Variants in ERCC1 observed in about 807,000 individuals in gnomAD.
ERCC1 encodes DNA excision repair protein ERCC-1.
In ERCC1, 36 loss-of-function variants were observed where a neutral mutation model predicts 37.6. The observed-to-expected ratio is 0.96, with a 90% confidence interval of 0.73 to 1.26. ERCC1 has a LOEUF of 1.26. ERCC1 is among the 50% of genes most tolerant of loss of function. The pLI is 0.00. For synonymous variants in ERCC1, 156 were observed against 162.1 expected, an observed-to-expected ratio of 0.96 and a Z score of 0.28; for missense variants, 349 against 376.5, an observed-to-expected ratio of 0.93 and a Z score of 0.60.
In ERCC1 at chr19:45,408,430, C is replaced by A; in HGVS notation, c.*1245G>T. 6.2e-7 allele frequency: 1 copy of A among 1,613,700 alleles called. No homozygotes were observed. Among genetic ancestry groups the A allele is most frequent in the Non-Finnish European group, 8.5e-7 (1 of 1,179,862 alleles). ...GGCCTCGGTTCTGTGCCTTTGGGGG[C>A]AACCCACCAGTCACAGGGCCTAGGT... On this transcript the variant is annotated 3_prime_UTR_variant, in exon 10 of 10. Transcript: ENST00000300853.
chr19:45,433,353 C>T (rs905931209), intron 1 of ERCC1, among the ~76,000 whole-genome samples: 4 of 152,096 alleles, frequency 2.6e-5, no homozygotes, highest in Non-Finnish European at 4.4e-5. Context: ...TGGTGAAACC[C>T]CGTCTCTACT....
Position 45,408,159 on chromosome 19 carries a change from C to G in ERCC1, c.*1516G>C, listed in dbSNP as rs1194171340. The G allele has an allele frequency of 6.2e-7, 1 of 1,607,560 alleles. No homozygotes were observed. The highest frequency in any genetic ancestry group is 1.3e-5 in the African/African-American group (1 of 74,834). ...TTCAATGGGCGGCATGTGCCTCTCT[C>G]TGGCTCCCAGATCGTCAAGGGCAAA... is the stretch of plus-strand genomic sequence containing the variant. On this transcript the variant is annotated 3_prime_UTR_variant, in exon 10 of 10. Coordinates refer to ENST00000300853, the MANE Select transcript of ERCC1 (RefSeq NM_001983.4).
In ERCC1 at chr19:45,408,210, G is replaced by C; in HGVS notation, c.*1465C>G. ...TTGGCAGGCAAGCGGCACCGCTATC[G>C]AGTCCTCAGCAGCTGTCCCCAAGCT... On this transcript the variant is annotated 3_prime_UTR_variant, in exon 10 of 10. Coordinates refer to ENST00000300853, the MANE Select transcript of ERCC1 (RefSeq NM_001983.4). 2 of 1,614,064 alleles carry C rather than the reference G, an allele frequency of 1.2e-6. No individual in the cohort carries two copies. The highest frequency in any genetic ancestry group is 2.2e-5 in the South Asian group (2 of 91,076).
intron 7 of ERCC1, chr19:45,414,553 G>T (rs1973935809): frequency 4.7e-6 from 2 of 421,954 alleles, no homozygotes; most frequent in Middle Eastern, 7.4e-4. Flanking sequence ...AAGCGAGCTA[G>T]GCCTGGGAGA....
Position 45,408,093 on chromosome 19 carries a change from G to A in ERCC1, c.*1582C>T, listed in dbSNP as rs771100281. 1.3e-5 allele frequency: 19 copies of A among 1,515,192 alleles called. No homozygotes were observed. Among genetic ancestry groups the A allele is most frequent in the East Asian group, 9.1e-5 (4 of 44,006 alleles). The allele number at this position is 1,515,192 out of a possible 1,614,324, so 93.9% of individuals were successfully genotyped here. On this transcript the variant is annotated 3_prime_UTR_variant, in exon 10 of 10. Transcript: ENST00000300853. ...AAAATCAAAAAACCTTCCCTCTCCT[G>A]TTCCACTTAAGCCTCTGCCCTCCCT... is the stretch of plus-strand genomic sequence containing the variant.
chr19:45,421,501 G>T, intron 2 of ERCC1, 108 bp from the exon 3 acceptor site: 2 of 765,264 alleles, frequency 2.6e-6, no homozygotes, highest in South Asian at 1.9e-5. Flanking sequence ...AGACAGTCTT[G>T]CTCTGTCACC....
At chr19:45,424,651 C>T (rs1247386597), upstream of ERCC1, among the ~76,000 whole-genome samples, 1 of 152,150 alleles carries the variant, frequency 6.6e-6, no homozygotes, top group Non-Finnish European at 1.5e-5. Flanking sequence ...GCTCATATTC[C>T]TTGTCCATTT....
At chr19:45,431,169 A>G (rs1286434126) in intron 1 of ERCC1, among the ~76,000 whole-genome samples, 1 of 152,160 alleles carries the variant, frequency 6.6e-6, no homozygotes, top group Admixed American at 6.5e-5. Flanking sequence ...CAGCCAGTGC[A>G]GTTTCCATGA....
Position 45,408,822 on chromosome 19 carries a change from C to G in ERCC1, c.*853G>C. On this transcript the variant is annotated 3_prime_UTR_variant, in exon 10 of 10. Transcript: ENST00000300853. ...GAGCCTCTAGAAGACACAGTCCTGT[C>G]CCCGACCAAAAAGAGAAAGAGGCAA... 20 of 1,613,978 alleles carry G rather than the reference C, an allele frequency of 1.2e-5. No individual in the cohort carries two copies. Among genetic ancestry groups the G allele is most frequent in the Non-Finnish European group, 1.7e-5 (20 of 1,180,010 alleles).
At position 45,420,273 on chromosome 19, in the gene ERCC1, A is replaced by G; in HGVS notation, c.425+51T>C. On this transcript the variant is annotated intron_variant, in intron 4 of 9. Coordinates refer to ENST00000300853, the MANE Select transcript of ERCC1 (RefSeq NM_001983.4). This position sits in a 1 kb window ranked among gnomAD's most constrained non-coding sequence, Gnocchi z 4.8. ...CAGAACACTGGGACATGACCCTCCC[A>G]GGCCAGTGGGGTGCCCTTCCTGAAG... is the stretch of plus-strand genomic sequence containing the variant. 8.4e-7 allele frequency: 1 copy of G among 1,192,626 alleles called. No individual in the cohort carries two copies. Among genetic ancestry groups the G allele is most frequent in the Non-Finnish European group, 1.2e-6 (1 of 811,248 alleles). 73.9% of individuals were successfully genotyped at this position (1,192,626 alleles called of 1,614,324 possible).
chr19:45,429,264 C>T (rs1247822516), intron 1 of ERCC1: 1 of 152,118 alleles, frequency 6.6e-6, no homozygotes, highest in South Asian at 2.1e-4. Flanking sequence ...AGATTGAGAC[C>T]AGCCTGGCCA....
rs776649533 is a variant in ERCC1, at chr19:45,409,110, C to T, written c.*565G>A. ...AAGCCTCAGGCCCAGGCAGCTCTGG[C>T]AGCTCCCAAAAAGAAGACGAAGAAA... On this transcript the variant is annotated 3_prime_UTR_variant, in exon 10 of 10. Transcript: ENST00000300853. 18 of 1,613,128 alleles carry T rather than the reference C, an allele frequency of 1.1e-5. No individual in the cohort carries two copies. The highest frequency in any genetic ancestry group is 1.5e-5 in the Non-Finnish European group (18 of 1,179,354).
At chr19:45,432,216 C>T (rs909516610) in intron 1 of ERCC1, among the ~76,000 whole-genome samples, 13 of 151,806 alleles carry the variant, frequency 8.6e-5, no homozygotes, top group East Asian at 1.9e-4. Context: ...ATGATCCACC[C>T]GCCTTGGCCT....
At chr19:45,431,291 T>C (rs183715065) in intron 1 of ERCC1, among the ~76,000 whole-genome samples, 10 of 152,278 alleles carry the variant, frequency 6.6e-5, no homozygotes, top group Admixed American at 6.5e-4. Context: ...TCTCACTAAG[T>C]TTTTGTTTCA....
intron 1 of ERCC1, chr19:45,429,192 G>A (rs1307437052): frequency 6.6e-6 from 1 of 152,576 alleles, no homozygotes; most frequent in Admixed American, 6.5e-5. Context: ...CGGGCGCGGT[G>A]GCTCCCGCCT....
intron 2 of ERCC1, among the ~76,000 whole-genome samples, chr19:45,422,756 C>CAAAA (rs1555788851): frequency 2.0e-5 from 3 of 149,846 alleles, no homozygotes; most frequent in Non-Finnish European, 2.9e-5. Flanking sequence ...GACTCTGTCT[C>CAAAA]AAAAAAATAA....
At chr19:45,409,824 C>T (rs1337811013) in intron 9 of ERCC1, 99 bp from the exon 10 acceptor site, 2 of 712,382 alleles carry the variant, frequency 2.8e-6, no homozygotes, top group African/African-American at 1.8e-5. Context: ...TTCCCCTATA[C>T]CCTCAAGCAT....
Position 45,413,716 on chromosome 19 carries a change from T to C in ERCC1, c.804A>G (p.Arg268=). 1.9e-6 allele frequency: 3 copies of C among 1,613,986 alleles called. No homozygotes were observed. The highest frequency in any genetic ancestry group is 2.5e-6 in the Non-Finnish European group (3 of 1,180,042). The change falls in exon 9 of 10, where the codon AGA becomes AGG. Residue 268 remains arginine, a synonymous_variant. Transcript: ENST00000300853. ...GSLEQLIAAS[R]EDLALCPGLG... ...GGCCTGGGCATAAGGCCAGATCTTCTCTTGATGCGGCGATGAGCTGTTCCA... is the reference window on the plus strand; with the variant it reads ...GGCCTGGGCATAAGGCCAGATCTTCCCTTGATGCGGCGATGAGCTGTTCCA...
chr19:45,408,987 T>G lies in ERCC1; in HGVS notation c.*688A>C. 6.2e-7 allele frequency: 1 copy of G among 1,613,840 alleles called. No individual in the cohort carries two copies. The highest frequency in any genetic ancestry group is 8.5e-7 in the Non-Finnish European group (1 of 1,179,932). ...AAAGAAAAGGGACAGATGGCAATGATGGAGCCAGGGACGGAGGCGATGGAG... is the reference window on the plus strand; with the variant it reads ...AAAGAAAAGGGACAGATGGCAATGAGGGAGCCAGGGACGGAGGCGATGGAG... On this transcript the variant is annotated 3_prime_UTR_variant, in exon 10 of 10. Transcript: ENST00000300853.
Sources: gnomAD v4.1 joint callset for allele counts (sites outside exome capture counted in the v4.1 genomes callset) on GRCh38, gnomAD v4.1.1 for gene constraint, Gnocchi (gnomAD v3.1) non-coding constraint, MANE v1.5 for transcripts, NCBI Gene and HGNC (gene_info 2026-07-23, HGNC 2026-07-21) for gene names.